PUS10: variants seen among roughly 807,000 people sequenced by gnomAD.
PUS10 encodes the protein tRNA pseudouridine synthase Pus10.
In PUS10, 59 loss-of-function variants were observed where a neutral mutation model predicts 75.0. That is an observed-to-expected ratio of 0.79 (90% CI 0.64 to 0.98). The LOEUF is 0.98. Ranked by LOEUF, PUS10 falls within the 50% of genes least tolerant of loss-of-function variation. PUS10 has a pLI of 0.00. For synonymous variants in PUS10, 219 were observed against 211.6 expected (o/e 1.03, Z -0.30); for missense variants, 650 against 614.4 (o/e 1.06, Z -0.61).
At chr2:60,984,383 G>T (rs1185447151) in intron 4 of PUS10, among the ~76,000 whole-genome samples, 1 of 152,144 alleles carries the variant, frequency 6.6e-6, no homozygotes, top group Non-Finnish European at 1.5e-5. Flanking sequence ...ACTAAAACAA[G>T]AAAACTTTTG....
At chr2:60,957,314 G>GC (rs1260337947) in intron 11 of PUS10, among the ~76,000 whole-genome samples, 2 of 152,198 alleles carry the variant, frequency 1.3e-5, no homozygotes, top group Non-Finnish European at 1.5e-5. Flanking sequence ...TGCCTGGAAC[G>GC]CGATGCACAA....
chr2:60,943,762 T>TTGTGTG lies in PUS10; in HGVS notation c.1551+1241_1551+1246dup, dbSNP rs56232022. Reference sequence around the variant, plus strand: ...AAATAAAACATGACTGATCACAATCTTGTGTGTGTGTGTGTGTGTGTGTGT... The same window carrying TTGTGTG: ...AAATAAAACATGACTGATCACAATCTTGTGTGTGTGTGTGTGTGTGTGTGTGTGTGT... On this transcript the variant is annotated intron_variant, in intron 17 of 17. Coordinates refer to ENST00000316752, the MANE Select transcript of PUS10 (RefSeq NM_144709.4). Among the ~76,000 whole-genome samples the TTGTGTG allele has an allele frequency of 4.6e-3, 679 of 146,828 alleles. 6 individuals are homozygous for TTGTGTG. Among genetic ancestry groups the TTGTGTG allele is most frequent in the African/African-American group, 0.011 (425 of 39,592 alleles).
chr2:60,977,512 A>G (rs1677108012), intron 4 of PUS10, among the ~76,000 whole-genome samples: 1 of 152,212 alleles, frequency 6.6e-6, no homozygotes, highest in Admixed American at 6.5e-5. Context: ...TGATATTTGA[A>G]TCTTCTATAA....
At chr2:60,964,167 T>G (rs769020647) in intron 8 of PUS10, among the ~76,000 whole-genome samples, 1 of 152,236 alleles carries the variant, frequency 6.6e-6, no homozygotes, top group Non-Finnish European at 1.5e-5. Context: ...TGTGCCATGA[T>G]ATAAGAAAAG....
chr2:60,984,379 A>T (rs775295613), intron 4 of PUS10, among the ~76,000 whole-genome samples: 1 of 152,230 alleles, frequency 6.6e-6, no homozygotes, highest in African/African-American at 2.4e-5. Context: ...GTGAACTAAA[A>T]CAAGAAAACT....
At position 60,947,181 on chromosome 2, in the gene PUS10, C is replaced by A. The variant is rs538689862; in HGVS notation, c.1451+862G>T. Among the ~76,000 whole-genome samples the A allele has an allele frequency of 7.2e-5, 11 of 152,262 alleles. No homozygotes were observed. The South Asian group carries it at 2.3e-3, about 32-fold the overall frequency. On this transcript the variant is annotated intron_variant, in intron 16 of 17. Coordinates refer to ENST00000316752, the MANE Select transcript of PUS10 (RefSeq NM_144709.4). ...CTTTGCAGTCTGAAAATGGTGCTAACTAACTAATGATATGTCATCTGAATC... is the reference window on the plus strand; with the variant it reads ...CTTTGCAGTCTGAAAATGGTGCTAAATAACTAATGATATGTCATCTGAATC...
Position 61,013,453 on chromosome 2 carries a change from T to C in PUS10, c.-15-1548A>G, listed in dbSNP as rs925523717. The stretch of plus-strand genomic sequence containing the variant: ...AGTTGATTACCTTTTTGTTCAATCA[T>C]ATTTCTATGTGCCATCCATACTTTG... On this transcript the variant is annotated intron_variant, in intron 1 of 17. Coordinates refer to ENST00000316752, the MANE Select transcript of PUS10 (RefSeq NM_144709.4). Among the ~76,000 whole-genome samples, 3 of 152,228 alleles carry C rather than the reference T, an allele frequency of 2.0e-5. No individual in the cohort carries two copies. The East Asian group carries it at 5.8e-4, about 29-fold the overall frequency.
chr2:60,968,620 A>G (rs1300208723), intron 5 of PUS10, among the ~76,000 whole-genome samples: 1 of 152,168 alleles, frequency 6.6e-6, no homozygotes, highest in Non-Finnish European at 1.5e-5. Flanking sequence ...ATCAGAAAAA[A>G]AAAAGAATAT....
At chr2:61,014,469 C>A (rs1232142332) in intron 1 of PUS10, among the ~76,000 whole-genome samples, 1 of 152,138 alleles carries the variant, frequency 6.6e-6, no homozygotes, top group Non-Finnish European at 1.5e-5. Flanking sequence ...GCTTAAATTG[C>A]CAATTTTTGC....
chr2:60,963,027 T>G (rs1005674103), intron 8 of PUS10, 137 bp from the exon 9 acceptor site: 5 of 1,369,274 alleles, frequency 3.7e-6, no homozygotes, highest in Non-Finnish European at 4.7e-6. Flanking sequence ...GAGAAATACT[T>G]AAGCATTTCA....
At chr2:61,013,806 C>G (rs1203451701) in intron 1 of PUS10, among the ~76,000 whole-genome samples, 1 of 152,060 alleles carries the variant, frequency 6.6e-6, no homozygotes, top group African/African-American at 2.4e-5. Flanking sequence ...GGGCAGATCA[C>G]TTGAGGTCAG....
At chr2:60,982,594 T>G (rs952155404) in intron 4 of PUS10, among the ~76,000 whole-genome samples, 4 of 152,036 alleles carry the variant, frequency 2.6e-5, no homozygotes, top group Non-Finnish European at 4.4e-5. Context: ...TAGAAGAAAT[T>G]GAAAAAGTAA....
At chr2:61,007,731 T>C (rs561786121) in intron 3 of PUS10, among the ~76,000 whole-genome samples, 26 of 139,348 alleles carry the variant, frequency 1.9e-4, no homozygotes, top group African/African-American at 7.1e-4. Flanking sequence ...ATCTCACCAC[T>C]GCACTCCAGC....
intron 4 of PUS10, among the ~76,000 whole-genome samples, chr2:60,997,028 A>G (rs573261419): frequency 1.3e-5 from 2 of 152,324 alleles, no homozygotes; most frequent in African/African-American, 4.8e-5. Context: ...CTAGCTGATC[A>G]CCAAGGTCTC....
chr2:61,002,863 T>C (rs907350424), intron 4 of PUS10, among the ~76,000 whole-genome samples: 1 of 152,220 alleles, frequency 6.6e-6, no homozygotes, highest in African/African-American at 2.4e-5. Flanking sequence ...GTCCCACAAC[T>C]TTCCATATTG....
At position 60,967,657 on chromosome 2, in the gene PUS10, T is replaced by G. The variant is rs1312415228; in HGVS notation, c.504-44A>C. ...AATTCACTGACATGAAAAACTTTAC[T>G]TTTTCTATTAAAGGCAAGAATTTAT... On this transcript the variant is annotated intron_variant, in intron 5 of 17. Coordinates refer to ENST00000316752, the MANE Select transcript of PUS10 (RefSeq NM_144709.4). The G allele has an allele frequency of 2.2e-6, 3 of 1,384,838 alleles. No individual in the cohort carries two copies. The African/African-American group carries it at 4.4e-5, about 20-fold the overall frequency. The allele number at this position is 1,384,838 out of a possible 1,614,324, so 85.8% of individuals were successfully genotyped here. A position where few individuals can be genotyped will look rare whatever the true frequency, so the allele number is the denominator to read the frequency against.
intron 4 of PUS10, among the ~76,000 whole-genome samples, chr2:60,987,830 T>G (rs1431078884): frequency 6.6e-6 from 1 of 151,890 alleles, no homozygotes; most frequent in Non-Finnish European, 1.5e-5. Flanking sequence ...GGAGAAAAGC[T>G]TGAGCCCAGG....
intron 15 of PUS10, among the ~76,000 whole-genome samples, chr2:60,950,298 CAT>C (rs1675253905): frequency 6.6e-6 from 1 of 152,136 alleles, no homozygotes; most frequent in South Asian, 2.1e-4. Context: ...CTTTTTTTCT[CAT>C]GTCATAAGTG....
intron 4 of PUS10, among the ~76,000 whole-genome samples, chr2:60,973,848 C>T (rs1483636680): frequency 6.6e-6 from 1 of 152,246 alleles, no homozygotes; most frequent in Non-Finnish European, 1.5e-5. Context: ...TTCCTCCCCT[C>T]TGAGGCCCAT....
Sources: allele counts gnomAD v4.1 joint callset (sites outside exome capture counted in the v4.1 genomes callset), GRCh38; gene constraint gnomAD v4.1.1; transcripts MANE v1.5; gene names NCBI Gene and HGNC (gene_info 2026-07-23, HGNC 2026-07-21).